The following OLA1 variants were observed in gnomAD, a reference collection of about 807,000 sequenced individuals.
OLA1 encodes the protein obg-like ATPase 1.
Under a neutral mutation model 48.4 loss-of-function variants are expected in OLA1, and 14 were observed. That is an observed-to-expected ratio of 0.29 (90% CI 0.19 to 0.45). The LOEUF is 0.45. Ranked by LOEUF, OLA1 falls within the 20% of genes least tolerant of loss-of-function variation. OLA1 has a pLI of 1.00. For missense variants in OLA1, 325 were observed against 467.1 expected (o/e 0.70, Z 2.80); for synonymous variants, 127 against 150.4 (o/e 0.84, Z 1.14).
intron 2 of OLA1, chr2:174,240,523 G>A (rs1559021711): frequency 1.3e-5 from 2 of 150,370 alleles, no homozygotes; most frequent in Admixed American, 6.7e-5. Flanking sequence ...AGAGATCATT[G>A]TAATACATAT....
At chr2:174,090,192 A>G (rs1685082807) in intron 7 of OLA1, among the ~76,000 whole-genome samples, 1 of 152,152 alleles carries the variant, frequency 6.6e-6, no homozygotes, top group African/African-American at 2.4e-5. Flanking sequence ...AATTCTAGAG[A>G]AATGGCCATT....
In OLA1 at chr2:174,075,230, A is replaced by C. The variant is rs1684703623; in HGVS notation, c.*196T>G. The C allele has an allele frequency of 6.2e-6, 3 of 487,794 alleles. No individual in the cohort carries two copies. In the Admixed American group the frequency reaches 1.1e-4, roughly 18 times the overall value. 30.2% of individuals were successfully genotyped at this position (487,794 alleles called of 1,614,324 possible). A position where few individuals can be genotyped will look rare whatever the true frequency, so the allele number is the denominator to read the frequency against. ...AATCACGTGAAAAGCAAAGCTGTTC[A>C]CATTTAGTGAACCTGCATTTCATGG... is the stretch of plus-strand genomic sequence containing the variant. On this transcript the variant is annotated 3_prime_UTR_variant, in exon 11 of 11. Coordinates refer to ENST00000284719, the MANE Select transcript of OLA1 (RefSeq NM_013341.5).
intron 5 of OLA1, among the ~76,000 whole-genome samples, chr2:174,138,037 A>G (rs1686352991): frequency 6.6e-6 from 1 of 152,210 alleles, no homozygotes; most frequent in Admixed American, 6.5e-5. Flanking sequence ...CCTATCAGCA[A>G]TAAAGCTGTT....
At chr2:174,195,597 A>G (rs536269528) in intron 4 of OLA1, among the ~76,000 whole-genome samples, 3 of 152,318 alleles carry the variant, frequency 2.0e-5, no homozygotes, top group South Asian at 4.1e-4. Context: ...TCTCATTTAG[A>G]TTGTTTCTAA....
intron 4 of OLA1, among the ~76,000 whole-genome samples, chr2:174,189,248 AAT>A (rs1186729379): frequency 6.6e-6 from 1 of 152,144 alleles, no homozygotes; most frequent in Non-Finnish European, 1.5e-5. Flanking sequence ...ACTGAAAGAA[AAT>A]ATAAGTGAAT....
chr2:174,084,367 CACTTTTGTG>C (rs1684922670), intron 7 of OLA1, among the ~76,000 whole-genome samples: 1 of 152,186 alleles, frequency 6.6e-6, no homozygotes, highest in African/African-American at 2.4e-5. Flanking sequence ...CTGCCAGCTT[CACTTTTGTG>C]ACTTTCACTG....
chr2:174,183,277 G>A (rs916413555), intron 4 of OLA1, among the ~76,000 whole-genome samples: 1 of 152,162 alleles, frequency 6.6e-6, no homozygotes, highest in African/African-American at 2.4e-5. Flanking sequence ...AGAATGAGCT[G>A]GCCAATAGCA....
intron 4 of OLA1, among the ~76,000 whole-genome samples, chr2:174,167,728 T>C (rs1687198826): frequency 6.6e-6 from 1 of 152,178 alleles, no homozygotes; most frequent in Non-Finnish European, 1.5e-5. Flanking sequence ...GGTAGTAAGT[T>C]AAAATTAACT....
At chr2:174,132,593 A>G (rs1331254683) in intron 5 of OLA1, among the ~76,000 whole-genome samples, 25 of 152,180 alleles carry the variant, frequency 1.6e-4, no homozygotes, top group Admixed American at 1.6e-3. Context: ...CTTCTTTGAA[A>G]CATGACATCT....
chr2:174,219,071 G>A lies in OLA1; in HGVS notation c.373+3962C>T, dbSNP rs80074916. Among the ~76,000 whole-genome samples, 891 of 147,562 alleles carry A rather than the reference G, an allele frequency of 6.0e-3. 3 individuals carry two copies. The highest frequency in any genetic ancestry group is 9.2e-3 in the Non-Finnish European group (619 of 67,616). ...GAACTCCTAAGCTCAAGTGATCTGC[G>A]TAGGTCTCCCAAAGTGCTAGGATTA... On this transcript the variant is annotated intron_variant, in intron 4 of 10. Transcript: ENST00000284719.
intron 5 of OLA1, among the ~76,000 whole-genome samples, chr2:174,127,578 C>T (rs17318391): frequency 0.055 from 8,362 of 152,158 alleles, 308 homozygotes; most frequent in Middle Eastern, 0.14. Flanking sequence ...GCAGGGGTTC[C>T]TTACCACCCT....
chr2:174,235,041 C>T (rs1178271434), intron 2 of OLA1, among the ~76,000 whole-genome samples: 1 of 152,038 alleles, frequency 6.6e-6, no homozygotes, highest in African/African-American at 2.4e-5. Context: ...TGCCTGTAAT[C>T]GCAGCTACGT....
chr2:174,136,909 T>G (rs1484211309), intron 5 of OLA1, among the ~76,000 whole-genome samples: 1 of 151,820 alleles, frequency 6.6e-6, no homozygotes, highest in Non-Finnish European at 1.5e-5. Flanking sequence ...ACTCCTGACC[T>G]CGTGATCTAC....
chr2:174,187,268 T>C (rs542669578), intron 4 of OLA1, among the ~76,000 whole-genome samples: 35 of 152,310 alleles, frequency 2.3e-4, no homozygotes, highest in African/African-American at 7.2e-4. Flanking sequence ...TCTATATTGC[T>C]CGAGAAAAAT....
intron 5 of OLA1, among the ~76,000 whole-genome samples, chr2:174,135,176 A>G (rs1017065603): frequency 1.2e-4 from 18 of 151,680 alleles, no homozygotes; most frequent in Non-Finnish European, 2.5e-4. Flanking sequence ...AAAAAAAAAA[A>G]AAAGAAATGG....
At chr2:174,089,943 T>TC (rs1300951239) in intron 7 of OLA1, among the ~76,000 whole-genome samples, 1 of 151,270 alleles carries the variant, frequency 6.6e-6, no homozygotes, top group East Asian at 1.9e-4. Context: ...GCTTTTCTTA[T>TC]CCTAATAACC....
At chr2:174,099,739 T>C (rs1685347789) in intron 7 of OLA1, among the ~76,000 whole-genome samples, 1 of 152,198 alleles carries the variant, frequency 6.6e-6, no homozygotes, top group Non-Finnish European at 1.5e-5. Flanking sequence ...ATAATAAATA[T>C]TCTTGAGTGG....
chr2:174,221,519 C>T (rs553573979), intron 4 of OLA1, among the ~76,000 whole-genome samples: 171 of 152,148 alleles, frequency 1.1e-3, no homozygotes, highest in African/African-American at 4.0e-3. Flanking sequence ...ATTTTCACTC[C>T]CACTCTATTT....
intron 7 of OLA1, among the ~76,000 whole-genome samples, chr2:174,104,772 A>AT (rs1685477168): frequency 3.3e-5 from 5 of 152,046 alleles, no homozygotes; most frequent in Admixed American, 3.3e-4. Flanking sequence ...TTATAAAATA[A>AT]TTATGCAATT....
Sources: allele counts gnomAD v4.1 joint callset (sites outside exome capture counted in the v4.1 genomes callset), GRCh38; gene constraint gnomAD v4.1.1; transcripts MANE v1.5; gene names NCBI Gene and HGNC (gene_info 2026-07-23, HGNC 2026-07-21).